Variants in IBTK observed in about 807,000 individuals in gnomAD.
The protein encoded by IBTK is BTK-binding protein.
IBTK carries 83 observed loss-of-function variants against 154.9 expected under a neutral mutation model. That is an observed-to-expected ratio of 0.54 (90% CI 0.45 to 0.64). The LOEUF (loss-of-function observed/expected upper bound fraction) is 0.64. Among genes scored for constraint, IBTK ranks in the 30% least tolerant of loss-of-function variants. IBTK has a pLI of 0.00. For synonymous variants in IBTK, 515 were observed against 536.1 expected (o/e 0.96, Z 0.54); for missense variants, 1,332 against 1,584.6 (o/e 0.84, Z 2.71).
intron 21 of IBTK, among the ~76,000 whole-genome samples, chr6:82,198,185 CATT>C (rs1226646299): frequency 6.6e-6 from 1 of 152,126 alleles, no homozygotes; most frequent in Non-Finnish European, 1.5e-5. Flanking sequence ...GTAACAATAA[CATT>C]ATTTAAAACA....
rs1348913951 is a variant in IBTK, at chr6:82,240,288, C to T, written c.199G>A (p.Val67Met). The change falls in exon 2 of 29, where the codon GTG becomes ATG. Residue 67 changes from valine to methionine, a missense_variant. Coordinates refer to ENST00000306270, the MANE Select transcript of IBTK (RefSeq NM_015525.4). ...CCTTTCTGAATAAGCCAATCTAACA[C>T]TCCTTTCTTTCCACAGGAGGAAACA... Reference protein sequence around the residue: ...HLVSSCGKKGVLDWLIQKGVD... With the variant: ...HLVSSCGKKGMLDWLIQKGVD... 6.2e-7 allele frequency: 1 copy of T among 1,614,216 alleles called. No homozygotes were observed. The highest frequency in any genetic ancestry group is 2.2e-5 in the East Asian group (1 of 44,882).
At chr6:82,192,010 C>A (rs1437734309) in intron 23 of IBTK, 131 bp from the exon 24 acceptor site, 8 of 566,870 alleles carry the variant, frequency 1.4e-5, no homozygotes, top group Admixed American at 6.9e-5. Context: ...CAGCTGTGAG[C>A]CAGTTTCATA....
intron 25 of IBTK, chr6:82,188,937 G>A (rs1768654309): frequency 1.3e-5 from 5 of 371,508 alleles, no homozygotes; most frequent in Non-Finnish European, 2.1e-5. Context: ...GGCTGAGACA[G>A]AAGAATCGCT....
rs1333544662 is a variant in IBTK, at chr6:82,171,350, A to C, written c.*75T>G. The C allele has an allele frequency of 1.6e-6, 2 of 1,266,726 alleles. No individual in the cohort carries two copies. Among genetic ancestry groups the C allele is most frequent in the East Asian group, 2.4e-5 (1 of 42,126 alleles). The allele number at this position is 1,266,726 out of a possible 1,614,324, so 78.5% of individuals were successfully genotyped here. On this transcript the variant is annotated 3_prime_UTR_variant, in exon 29 of 29. Coordinates refer to ENST00000306270, the MANE Select transcript of IBTK (RefSeq NM_015525.4). ...TTAGAATGATATTACAAAATCTCTA[A>C]GACTCTTTTCCACAGCTTTTCTTTA...
chr6:82,215,834 A>C (rs1170187689), intron 11 of IBTK, among the ~76,000 whole-genome samples: 1 of 151,880 alleles, frequency 6.6e-6, no homozygotes, highest in Admixed American at 6.6e-5. Flanking sequence ...GCATGTATAG[A>C]TATTTTCAAT....
At chr6:82,207,900 T>C (rs1031885000) in intron 16 of IBTK, among the ~76,000 whole-genome samples, 10 of 152,138 alleles carry the variant, frequency 6.6e-5, no homozygotes, top group African/African-American at 1.4e-4. Context: ...CTTGGACCCA[T>C]AGCTCACAAC....
chr6:82,223,865 G>A (rs893247703), intron 7 of IBTK, among the ~76,000 whole-genome samples: 1 of 152,126 alleles, frequency 6.6e-6, no homozygotes. Context: ...TGGGAGGATC[G>A]TTTGAGCCCA....
Position 82,219,113 on chromosome 6 carries a change from C to CT in IBTK, c.1249-977dup, listed in dbSNP as rs1355043845. On this transcript the variant is annotated intron_variant, in intron 9 of 28. Coordinates refer to ENST00000306270, the MANE Select transcript of IBTK (RefSeq NM_015525.4). Reference sequence around the variant, plus strand: ...ACTAGTACAAACTGGAGCTCTAATTCTTTTTTTTTTTCCTTCAACTTTTAA... The same window carrying CT: ...ACTAGTACAAACTGGAGCTCTAATTCTTTTTTTTTTTTCCTTCAACTTTTAA... Among the ~76,000 whole-genome samples, 481 of 146,862 alleles carry CT rather than the reference C, an allele frequency of 3.3e-3. 3 individuals carry two copies. Among genetic ancestry groups the CT allele is most frequent in the Non-Finnish European group, 3.6e-3 (237 of 66,216 alleles).
At chr6:82,186,841 TAA>T (rs1330244691) in intron 25 of IBTK, among the ~76,000 whole-genome samples, 2 of 152,126 alleles carry the variant, frequency 1.3e-5, no homozygotes, top group African/African-American at 4.8e-5. Context: ...TGTTTGTACT[TAA>T]GTTTTCCAAT....
chr6:82,215,207 C>T lies in IBTK; in HGVS notation c.1602-378G>A, dbSNP rs1479989016. On this transcript the variant is annotated intron_variant, in intron 11 of 28. Coordinates refer to ENST00000306270, the MANE Select transcript of IBTK (RefSeq NM_015525.4). ...GGACTGACGAGTTTCTCAGATGAGA[C>T]TTTCAATGTTAAAACTGGGGCAGGC... 2.6e-5 allele frequency among the ~76,000 whole-genome samples: 4 copies of T among 152,230 alleles called. No individual in the cohort carries two copies. In the East Asian group the frequency reaches 5.8e-4, roughly 22 times the overall value.
intron 26 of IBTK, among the ~76,000 whole-genome samples, chr6:82,173,769 G>T (rs1379362305): frequency 6.7e-6 from 1 of 149,896 alleles, no homozygotes; most frequent in Non-Finnish European, 1.5e-5. Flanking sequence ...TATGAGCAAA[G>T]GATTACAGAT....
chr6:82,235,542 C>T lies in IBTK; in HGVS notation c.322-1287G>A, dbSNP rs907419168. Among the ~76,000 whole-genome samples the T allele has an allele frequency of 5.9e-5, 9 of 151,878 alleles. No homozygotes were observed. In the East Asian group the frequency reaches 1.2e-3, roughly 20 times the overall value. ...CCGGGACACAGAGGTTGCAGTGAAC[C>T]GAGATCGCGCCACTGCACTCCAGCC... On this transcript the variant is annotated intron_variant, in intron 2 of 28. Coordinates refer to ENST00000306270, the MANE Select transcript of IBTK (RefSeq NM_015525.4).
rs1771206918 is a variant in IBTK, at chr6:82,247,628, C to T, written c.-424G>A. 2.5e-6 allele frequency: 1 copy of T among 398,722 alleles called. No individual in the cohort carries two copies. Among genetic ancestry groups the T allele is most frequent in the Non-Finnish European group, 4.4e-6 (1 of 226,218 alleles). The allele number at this position is 398,722 out of a possible 1,614,324, so 24.7% of individuals were successfully genotyped here. ...CACATAGAGCCACAAAGGGACTCAT[C>T]CTCAGTGAAGGCAATAAGAGAAACC... On this transcript the variant is annotated 5_prime_UTR_variant, in exon 1 of 29. Transcript: ENST00000306270.
In IBTK at chr6:82,196,328, G is replaced by A. The variant is rs2127805485; in HGVS notation, c.3144C>T (p.Phe1048=). 6.2e-7 allele frequency: 1 copy of A among 1,606,594 alleles called. No individual in the cohort carries two copies. The highest frequency in any genetic ancestry group is 8.5e-7 in the Non-Finnish European group (1 of 1,176,850). The change falls in exon 22 of 29, where the codon TTC becomes TTT. Residue 1048 remains phenylalanine, a synonymous_variant. Transcript: ENST00000306270. ...GSPRDLQSPD[F]TTGFHSDKIE... ...TCTTATCTGAATGAAATCCTGTTGTGAAATCAGGGGACTGTAAATCTCTAG... is the reference window on the plus strand; with the variant it reads ...TCTTATCTGAATGAAATCCTGTTGTAAAATCAGGGGACTGTAAATCTCTAG...
intron 4 of IBTK, among the ~76,000 whole-genome samples, chr6:82,229,636 G>A (rs1053640081): frequency 9.9e-5 from 15 of 151,990 alleles, no homozygotes; most frequent in Non-Finnish European, 1.9e-4. Context: ...TAGACTAGGT[G>A]AGCAGCTTGT....
chr6:82,222,265 C>T (rs1279127079), intron 8 of IBTK, among the ~76,000 whole-genome samples: 7 of 151,728 alleles, frequency 4.6e-5, no homozygotes, highest in African/African-American at 1.7e-4. Context: ...TGGATGGTAC[C>T]TGTTTTACAT....
At position 82,171,496 on chromosome 6, in the gene IBTK, C is replaced by A; in HGVS notation, c.3991G>T (p.Glu1331Ter). The A allele has an allele frequency of 2.5e-6, 4 of 1,613,130 alleles. No individual in the cohort carries two copies. Among genetic ancestry groups the A allele is most frequent in the Non-Finnish European group, 3.4e-6 (4 of 1,179,378 alleles). Residue 1331 changes from glutamate to a stop codon, truncating the protein, a stop_gained, in exon 29 of 29, where the codon GAG becomes TAG. Transcript: ENST00000306270. LOFTEE classifies it high-confidence loss of function. ...VFYEAFGNPE[E>*]FVIVERTPQG... ...GGTGTCCTTTCAACAATGACAAACT[C>A]TTCAGGGTTGCCAAATGCCTCATAG... is the stretch of plus-strand genomic sequence containing the variant.
Position 82,212,805 on chromosome 6 carries a change from A to G in IBTK, c.2205-12T>C, listed in dbSNP as rs902154325. ...TGACTCCATCTAACCTATCAAGGATAGATAAAAATTAACAATTGATATTCC... is the reference window on the plus strand; with the variant it reads ...TGACTCCATCTAACCTATCAAGGATGGATAAAAATTAACAATTGATATTCC... On this transcript the variant is annotated splice_polypyrimidine_tract_variant and intron_variant, in intron 12 of 28. Transcript: ENST00000306270. 6.9e-7 allele frequency: 1 copy of G among 1,453,368 alleles called. No homozygotes were observed. The highest frequency in any genetic ancestry group is 1.4e-5 in the African/African-American group (1 of 71,476). 90.0% of individuals were successfully genotyped at this position (1,453,368 alleles called of 1,614,324 possible).
At chr6:82,211,948 T>C (rs1386254345) in intron 13 of IBTK, among the ~76,000 whole-genome samples, 2 of 152,176 alleles carry the variant, frequency 1.3e-5, no homozygotes, top group Admixed American at 6.5e-5. Context: ...AGTTTATCCT[T>C]CTCCAAAACC....
Sources: allele counts gnomAD v4.1 joint callset (sites outside exome capture counted in the v4.1 genomes callset), GRCh38; gene constraint gnomAD v4.1.1; transcripts MANE v1.5; gene names NCBI Gene and HGNC (gene_info 2026-07-23, HGNC 2026-07-21).